SHANK1: variants seen among roughly 807,000 people sequenced by gnomAD.
SHANK1 encodes the protein SH3 and multiple ankyrin repeat domains protein 1.
Under a neutral mutation model 165.6 loss-of-function variants are expected in SHANK1, and 35 were observed. That is an observed-to-expected ratio of 0.21 (90% CI 0.16 to 0.28). The LOEUF is 0.28. Ranked by LOEUF, SHANK1 falls within the 10% of genes least tolerant of loss-of-function variation. The probability of loss-of-function intolerance (pLI) is 1.00; values close to 1 mark genes in which losing one functional copy is unlikely to be tolerated. For synonymous variants in SHANK1, 1,428 were observed against 1,384.8 expected (o/e 1.03, Z -0.69); for missense variants, 2,681 against 3,036.4 (o/e 0.88, Z 2.75).
In SHANK1 at chr19:50,662,588, C is replaced by T. The variant is rs199961013; in HGVS notation, c.5863G>A (p.Gly1955Arg). Residue 1955 changes from glycine (G) to arginine (R), a missense_variant, in exon 24 of 24, where the codon GGA becomes AGA. Transcript: ENST00000293441. This position sits in a 1 kb window ranked among gnomAD's most constrained non-coding sequence, Gnocchi z 7.7. ...GCGGCTGTAGGGGAGACCCCTGTTCCGGTGGGGAGTGGCGGCAGAGGTGGT... is the reference window on the plus strand; with the variant it reads ...GCGGCTGTAGGGGAGACCCCTGTTCTGGTGGGGAGTGGCGGCAGAGGTGGT... ...PKPPLPPLPT[G>R]TGVSPTAAAA... is the part of the protein sequence containing the mutation. 2.8e-4 allele frequency: 442 copies of T among 1,565,456 alleles called. No individual in the cohort carries two copies. The highest frequency in any genetic ancestry group is 6.8e-4 in the Admixed American group (36 of 52,598).
At chr19:50,666,040 A>T in intron 23 of SHANK1, 152 bp downstream of exon 23, 2 of 724,128 alleles carry the variant, frequency 2.8e-6, no homozygotes, top group Non-Finnish European at 4.2e-6. Flanking sequence ...AAAAAAAAGA[A>T]AAAGAAAATA....
In SHANK1 at chr19:50,718,627, G is replaced by A. The variant is rs1011442344; in HGVS notation, c.-44+779C>T. On this transcript the variant is annotated intron_variant, in intron 1 of 23. Transcript: ENST00000293441. This position sits in a 1 kb window ranked among gnomAD's most constrained non-coding sequence, Gnocchi z 5.1. ...GAGACGGGCTGAGGAATCGGCGAGG[G>A]GGGTGGTGGAGGACGCGAGAGAGGG... Among the ~76,000 whole-genome samples, 1 of 151,982 alleles carries A rather than the reference G, an allele frequency of 6.6e-6. No individual in the cohort carries two copies. Among genetic ancestry groups the A allele is most frequent in the Non-Finnish European group, 1.5e-5 (1 of 67,970 alleles).
rs945500077 is a variant in SHANK1, at chr19:50,670,137, C to T, written c.2675-852G>A. ...TCTCACGGGCATCTCAGACTCCAAA[C>T]GCTCCAACCCAAGCTCCTGATCTCC... is the stretch of plus-strand genomic sequence containing the variant. On this transcript the variant is annotated intron_variant, in intron 22 of 23. Coordinates refer to ENST00000293441, the MANE Select transcript of SHANK1 (RefSeq NM_016148.5). The surrounding 1 kb of genome is among the most constrained non-coding windows in gnomAD (Gnocchi z 4.1). Among the ~76,000 whole-genome samples, 2 of 152,106 alleles carry T rather than the reference C, an allele frequency of 1.3e-5. No individual in the cohort carries two copies. Among genetic ancestry groups the T allele is most frequent in the East Asian group, 1.9e-4 (1 of 5,190 alleles).
chr19:50,710,598 C>G (rs965814609), intron 8 of SHANK1, among the ~76,000 whole-genome samples: 3 of 152,170 alleles, frequency 2.0e-5, no homozygotes, highest in East Asian at 1.9e-4. Flanking sequence ...CACGAGCCCC[C>G]CTGCCTGCTC....
chr19:50,705,434 G>A (rs1193301662), intron 8 of SHANK1, among the ~76,000 whole-genome samples: 1 of 152,184 alleles, frequency 6.6e-6, no homozygotes, highest in Non-Finnish European at 1.5e-5. Context: ...TAAAATAAAT[G>A]TCACCTAATT....
intron 21 of SHANK1, among the ~76,000 whole-genome samples, chr19:50,674,569 C>A (rs1985914248): frequency 6.6e-6 from 1 of 152,118 alleles, no homozygotes. Flanking sequence ...GTTATCTTAG[C>A]CCTCCACCCT....
At chr19:50,678,504 G>A (rs1307792857) in intron 21 of SHANK1, among the ~76,000 whole-genome samples, 5 of 151,452 alleles carry the variant, frequency 3.3e-5, no homozygotes, top group African/African-American at 9.7e-5. Flanking sequence ...TGACAGTGGA[G>A]GGGTTGATGT....
chr19:50,692,860 C>G (rs1986586408), intron 15 of SHANK1, among the ~76,000 whole-genome samples: 1 of 143,602 alleles, frequency 7.0e-6, no homozygotes, highest in Admixed American at 7.0e-5. Flanking sequence ...TGGAGCCATC[C>G]CCCCATTTCC....
At position 50,697,826 on chromosome 19, in the gene SHANK1, T is replaced by C. The variant is rs1023014818; in HGVS notation, c.1861+17A>G. ...AATCCTAGGGTCCATTGAACACTGC[T>C]GGGGGTTCCGCATTACCTTGCTTGC... On this transcript the variant is annotated intron_variant, in intron 13 of 23. Coordinates refer to ENST00000293441, the MANE Select transcript of SHANK1 (RefSeq NM_016148.5). The surrounding 1 kb of genome is among the most constrained non-coding windows in gnomAD (Gnocchi z 4.7). The C allele has an allele frequency of 3.1e-6, 5 of 1,601,230 alleles. No homozygotes were observed. In the South Asian group the frequency reaches 5.5e-5, roughly 18 times the overall value.
chr19:50,675,061 C>CAAAAAAA (rs10560370), intron 21 of SHANK1, among the ~76,000 whole-genome samples: 1 of 85,706 alleles, frequency 1.2e-5, no homozygotes. Flanking sequence ...CACTCGGTCT[C>CAAAAAAA]AAAAAAAAAA....
chr19:50,679,465 T>G (rs1265040356), intron 21 of SHANK1, among the ~76,000 whole-genome samples: 2 of 152,078 alleles, frequency 1.3e-5, no homozygotes, highest in Non-Finnish European at 2.9e-5. Context: ...TGATGGGGCA[T>G]CGCACTGACT....
Position 50,661,476 on chromosome 19 carries a change from A to C in SHANK1, c.*489T>G, listed in dbSNP as rs1353034676. On this transcript the variant is annotated 3_prime_UTR_variant, in exon 24 of 24. Transcript: ENST00000293441. The stretch of plus-strand genomic sequence containing the variant: ...GTGCAACGGAGCGTGCAAGAGGCTG[A>C]GGGGGGCAGCTGTGTGTGCTGGGGA... Among the ~76,000 whole-genome samples, 2 of 60,258 alleles carry C rather than the reference A, an allele frequency of 3.3e-5. No individual in the cohort carries two copies. Among genetic ancestry groups the C allele is most frequent in the Non-Finnish European group, 6.7e-5 (2 of 29,900 alleles). 39.5% of individuals were successfully genotyped at this position (60,258 alleles called of 152,430 possible).
intron 21 of SHANK1, among the ~76,000 whole-genome samples, chr19:50,676,770 T>TGGC (rs1466883142): frequency 6.6e-6 from 1 of 152,166 alleles, no homozygotes; most frequent in African/African-American, 2.4e-5. Context: ...CAATCTTATT[T>TGGC]GGCACCTTTT....
chr19:50,663,334 G>T (rs1007706161), intron 23 of SHANK1, among the ~76,000 whole-genome samples: 3 of 151,950 alleles, frequency 2.0e-5, no homozygotes, highest in Admixed American at 1.3e-4. Context: ...AACAAGGGGA[G>T]AAAAAGGTTC....
chr19:50,707,781 G>C (rs2088956845), intron 8 of SHANK1, among the ~76,000 whole-genome samples: 1 of 152,076 alleles, frequency 6.6e-6, no homozygotes, highest in Non-Finnish European at 1.5e-5. Context: ...TGTGTTCTGG[G>C]TGTGTTTGGG....
At chr19:50,692,871 C>T (rs1158287303) in intron 15 of SHANK1, among the ~76,000 whole-genome samples, 3 of 147,210 alleles carry the variant, frequency 2.0e-5, no homozygotes, top group African/African-American at 5.1e-5. Context: ...CCCCATTTCC[C>T]GTGTCCCCTG....
Position 50,682,113 on chromosome 19 carries a change from T to A in SHANK1, c.2577+4124A>T, listed in dbSNP as rs563290024. Among the ~76,000 whole-genome samples, 8 of 152,028 alleles carry A rather than the reference T, an allele frequency of 5.3e-5. No homozygotes were observed. In the South Asian group the frequency reaches 1.7e-3, roughly 32 times the overall value. On this transcript the variant is annotated intron_variant, in intron 21 of 23. Coordinates refer to ENST00000293441, the MANE Select transcript of SHANK1 (RefSeq NM_016148.5). Reference sequence around the variant, plus strand: ...GCTCTACTGCCAGGCTGGAGTGCAGTGGCATGATCTCGGCTCACTGTAACC... The same window carrying A: ...GCTCTACTGCCAGGCTGGAGTGCAGAGGCATGATCTCGGCTCACTGTAACC...
rs775243990 is a variant in SHANK1 at position 50,686,203 on chromosome 19, C to T, written c.2577+34G>A. 3 of 1,304,068 alleles carry T rather than the reference C, an allele frequency of 2.3e-6. No individual in the cohort carries two copies. The African/African-American group carries it at 4.5e-5, about 19-fold the overall frequency. The allele number at this position is 1,304,068 out of a possible 1,614,324, so 80.8% of individuals were successfully genotyped here. On this transcript the variant is annotated intron_variant, in intron 21 of 23. Transcript: ENST00000293441. The surrounding 1 kb of genome is among the most constrained non-coding windows in gnomAD (Gnocchi z 5.7). ...CAGGTTGGTGTGTGAACCGCCTCCC[C>T]CCTGGCAGTTCCTCCCCACACCAGG...
Position 50,668,227 on chromosome 19 carries a change from C to A in SHANK1, c.3733G>T (p.Gly1245Cys). The change falls in exon 23 of 24, where the codon GGC (glycine) becomes TGC (cysteine). Residue 1245 changes from glycine (G) to cysteine (C), a missense_variant. Around this residue, in one of 10 missense-constraint regions of SHANK1, gnomAD observed 1,713 missense variants for 1,630.2 expected, o/e 1.05. Transcript: ENST00000293441. ...ALVGAARREG[G>C]WQNEARRRST... ...CGCCGGCGCGCCTCATTCTGCCAGC[C>A]CCCCTCCCTCCGGGCCGCCCCCACC... 1 of 1,485,594 alleles carries A rather than the reference C, an allele frequency of 6.7e-7. No homozygotes were observed. Among genetic ancestry groups the A allele is most frequent in the Non-Finnish European group, 8.8e-7 (1 of 1,131,776 alleles). The allele number at this position is 1,485,594 out of a possible 1,614,324, so 92.0% of individuals were successfully genotyped here. A position where few individuals can be genotyped will look rare whatever the true frequency, so the allele number is the denominator to read the frequency against.
Sources: allele counts gnomAD v4.1 joint callset (sites outside exome capture counted in the v4.1 genomes callset), GRCh38; gene constraint gnomAD v4.1.1; regional missense constraint gnomAD v4.1.1; non-coding constraint Gnocchi (gnomAD v3.1); transcripts MANE v1.5; gene names NCBI Gene and HGNC (gene_info 2026-07-23, HGNC 2026-07-21).